SYNE2: variants seen among roughly 807,000 people sequenced by gnomAD.
SYNE2 encodes nesprin-2.
In SYNE2, 431 loss-of-function variants were observed where a neutral mutation model predicts 856.3. The ratio of observed to expected loss-of-function variants is 0.50; its 90% CI spans 0.47 to 0.55. SYNE2 has a LOEUF of 0.55. Among genes scored for constraint, SYNE2 ranks in the 20% least tolerant of loss-of-function variants. The pLI is 0.00. For missense variants in SYNE2, 8,129 were observed against 8,023.2 expected, an observed-to-expected ratio of 1.01 and a Z score of -0.50; for synonymous variants, 2,923 against 2,872.3, an observed-to-expected ratio of 1.02 and a Z score of -0.56.
At chr14:64,089,503 G>A (rs2097590747) in intron 58 of SYNE2, 71 bp from the exon 59 acceptor site, 14 of 1,450,878 alleles carry the variant, frequency 9.6e-6, no homozygotes, top group African/African-American at 5.8e-5. Flanking sequence ...TAAAATTAAT[G>A]CCAATAAACT....
In SYNE2 at chr14:63,999,939, A is replaced by G. The variant is rs1300575326; in HGVS notation, c.3481-623A>G. Among the ~76,000 whole-genome samples, 5 of 152,294 alleles carry G rather than the reference A, an allele frequency of 3.3e-5. 1 individual carries two copies. Among genetic ancestry groups the G allele is most frequent in the Admixed American group, 3.3e-4 (5 of 15,304 alleles). On this transcript the variant is annotated intron_variant, in intron 27 of 115. Coordinates refer to ENST00000555002, the MANE Select transcript of SYNE2 (RefSeq NM_182914.3). ...AGCATGTTTTCATCACAATTAAGCA[A>G]CTGTCTTGAGACGTTTCTCCAGTGA...
intron 1 of SYNE2, among the ~76,000 whole-genome samples, chr14:63,789,603 G>A (rs756043779): frequency 3.3e-5 from 5 of 151,970 alleles, no homozygotes; most frequent in Non-Finnish European, 5.9e-5. Flanking sequence ...CCAACATGGC[G>A]AAATCCTGTC....
chr14:64,151,791 A>G (rs994008947), intron 84 of SYNE2, among the ~76,000 whole-genome samples: 3 of 152,214 alleles, frequency 2.0e-5, no homozygotes, highest in African/African-American at 7.2e-5. Flanking sequence ...TGTGTTTTCC[A>G]GTTTCTTTGT....
intron 110 of SYNE2, among the ~76,000 whole-genome samples, chr14:64,220,128 A>T (rs528411281): frequency 6.6e-4 from 101 of 152,366 alleles, no homozygotes; most frequent in Non-Finnish European, 1.2e-3. Flanking sequence ...ATAACCACAT[A>T]TACTTTATCT....
At chr14:64,209,885 A>T in intron 102 of SYNE2, 57 bp from the exon 103 acceptor site, 1 of 1,610,366 alleles carries the variant, frequency 6.2e-7, no homozygotes, top group South Asian at 1.1e-5. Flanking sequence ...GTAGAAGGGA[A>T]GGAGGGCGTC....
In SYNE2 at chr14:63,949,835, T is replaced by A; in HGVS notation, c.419T>A (p.Leu140His). The change falls in exon 7 of 116, where the codon CTT becomes CAT. Residue 140 changes from leucine to histidine, a missense_variant. By Grantham distance (99) the Leu-to-His change is moderately conservative. This residue lies in a region of SYNE2 where 2,422 missense variants were observed against 2,357.4 expected (regional missense o/e 1.03). Coordinates refer to ENST00000555002, the MANE Select transcript of SYNE2 (RefSeq NM_182914.3). ...TIILHFHIEK[L>H]AQTLSCNYNQ... ...CTTTGCCTTCCTTAGATTGAGAAGC[T>A]TGCCCAGACTCTTTCTTGCAATTAC... The A allele has an allele frequency of 1.9e-6, 3 of 1,614,186 alleles. No homozygotes were observed. Among genetic ancestry groups the A allele is most frequent in the Non-Finnish European group, 2.5e-6 (3 of 1,180,006 alleles).
At chr14:64,139,854 C>G in intron 79 of SYNE2, 87 bp from the exon 80 acceptor site, 1 of 1,376,382 alleles carries the variant, frequency 7.3e-7, no homozygotes, top group South Asian at 1.2e-5. Context: ...GGAGGACATA[C>G]AATAAAATAA....
chr14:63,964,913 C>G (rs1238287491), intron 10 of SYNE2, among the ~76,000 whole-genome samples: 1 of 151,840 alleles, frequency 6.6e-6, no homozygotes, highest in African/African-American at 2.4e-5. Context: ...AACCGAGAGT[C>G]CTTTGGCAAA....
At chr14:63,962,334 G>A (rs1006159770) in intron 9 of SYNE2, among the ~76,000 whole-genome samples, 1 of 151,886 alleles carries the variant, frequency 6.6e-6, no homozygotes, top group Non-Finnish European at 1.5e-5. Context: ...GGGATTACAG[G>A]AGTGAGCCAC....
intron 98 of SYNE2, among the ~76,000 whole-genome samples, chr14:64,189,706 T>G (rs1180469791): frequency 1.3e-5 from 2 of 152,222 alleles, no homozygotes; most frequent in Non-Finnish European, 2.9e-5. Flanking sequence ...TTTGAGACAG[T>G]GTCTCACTGT....
chr14:63,842,652 G>T (rs538732200), intron 1 of SYNE2, among the ~76,000 whole-genome samples: 8 of 151,904 alleles, frequency 5.3e-5, no homozygotes, highest in African/African-American at 1.7e-4. Flanking sequence ...AGAGATGGGG[G>T]TTTCACCATG....
intron 66 of SYNE2, among the ~76,000 whole-genome samples, chr14:64,116,943 A>G (rs2097857600): frequency 6.6e-6 from 1 of 152,208 alleles, no homozygotes; most frequent in South Asian, 2.1e-4. Context: ...AGAGCATAAA[A>G]TTATGCTACA....
Position 64,102,089 on chromosome 14 carries a change from G to T in SYNE2, c.12492+47G>T, listed in dbSNP as rs189025516. ...ACGCTTAGGGGTTACGAGGGCCCAG[G>T]GGGGAGCAGGGATCTCTTTCTGCAC... On this transcript the variant is annotated intron_variant, in intron 64 of 115. Coordinates refer to ENST00000555002, the MANE Select transcript of SYNE2 (RefSeq NM_182914.3). 449 of 1,314,890 alleles carry T rather than the reference G, an allele frequency of 3.4e-4. 4 individuals carry two copies. In the East Asian group the frequency reaches 7.4e-3, roughly 22 times the overall value. The allele number at this position is 1,314,890 out of a possible 1,614,324, so 81.5% of individuals were successfully genotyped here.
At chr14:64,048,189 G>A in intron 46 of SYNE2, 34 bp downstream of exon 46, 1 of 1,604,692 alleles carries the variant, frequency 6.2e-7, no homozygotes, top group Non-Finnish European at 8.5e-7. Context: ...CAACATGATT[G>A]CATCATTTAT....
At chr14:64,002,468 C>T (rs982082719) in intron 29 of SYNE2, among the ~76,000 whole-genome samples, 4 of 152,206 alleles carry the variant, frequency 2.6e-5, no homozygotes, top group African/African-American at 4.8e-5. Flanking sequence ...GTTCTCTGAA[C>T]AGTTTAACAT....
intron 1 of SYNE2, among the ~76,000 whole-genome samples, chr14:63,769,907 A>T (rs1886839610): frequency 6.6e-6 from 1 of 151,590 alleles, no homozygotes; most frequent in Non-Finnish European, 1.5e-5. Context: ...TCAAAAAAAA[A>T]TTCTAGGGGC....
chr14:64,204,702 A>G (rs2140035148), intron 100 of SYNE2, among the ~76,000 whole-genome samples: 1 of 152,318 alleles, frequency 6.6e-6, no homozygotes, highest in African/African-American at 2.4e-5. Flanking sequence ...AAAAAAAAAA[A>G]TTAATGGAAT....
intron 82 of SYNE2, among the ~76,000 whole-genome samples, chr14:64,142,725 A>C (rs2098149246): frequency 6.6e-6 from 1 of 152,202 alleles, no homozygotes; most frequent in Non-Finnish European, 1.5e-5. Context: ...GCCTATCCCA[A>C]TACCTGCCTT....
At chr14:64,012,808 G>A (rs1293241404) in intron 32 of SYNE2, among the ~76,000 whole-genome samples, 1 of 152,154 alleles carries the variant, frequency 6.6e-6, no homozygotes, top group Non-Finnish European at 1.5e-5. Context: ...AGTACTAATT[G>A]TTAACATAAC....
Sources: gnomAD v4.1 joint callset for allele counts (sites outside exome capture counted in the v4.1 genomes callset) on GRCh38, gnomAD v4.1.1 for gene constraint, gnomAD v4.1.1 regional missense constraint, MANE v1.5 for transcripts, NCBI Gene and HGNC (gene_info 2026-07-23, HGNC 2026-07-21) for gene names.